DCC: variants seen among roughly 807,000 people sequenced by gnomAD.
The protein encoded by DCC is DCC netrin 1 receptor, also known as netrin receptor DCC.
Under a neutral mutation model 172.5 loss-of-function variants are expected in DCC, and 58 were observed. That is an observed-to-expected ratio of 0.34 (90% CI 0.27 to 0.42). The LOEUF is 0.42. Among genes scored for constraint, DCC ranks in the 10% least tolerant of loss-of-function variants. The pLI is 1.00. For missense variants in DCC, 1,740 were observed against 1,791.0 expected (o/e 0.97, Z 0.51); for synonymous variants, 709 against 644.5 (o/e 1.10, Z -1.52).
chr18:53,467,418 T>C (rs2045635203), intron 24 of DCC, among the ~76,000 whole-genome samples: 1 of 152,132 alleles, frequency 6.6e-6, no homozygotes, highest in Non-Finnish European at 1.5e-5. Context: ...GTTTATTTCT[T>C]GTGGGTTTTT....
intron 2 of DCC, among the ~76,000 whole-genome samples, chr18:52,831,648 G>A (rs757001937): frequency 3.3e-5 from 5 of 152,108 alleles, no homozygotes; most frequent in Non-Finnish European, 5.9e-5. Context: ...CTAGAGGGGT[G>A]GAATTGCTAT....
At chr18:53,082,215 A>G (rs992314921) in intron 7 of DCC, among the ~76,000 whole-genome samples, 1 of 152,128 alleles carries the variant, frequency 6.6e-6, no homozygotes, top group Non-Finnish European at 1.5e-5. Flanking sequence ...ACTTTAAAAG[A>G]GAAAACATTA....
chr18:53,398,140 G>A (rs908231576), intron 18 of DCC, among the ~76,000 whole-genome samples: 1 of 151,976 alleles, frequency 6.6e-6, no homozygotes, highest in African/African-American at 2.4e-5. Flanking sequence ...GGCTTAACAT[G>A]TTTTTTTGAT....
intron 8 of DCC, among the ~76,000 whole-genome samples, chr18:53,165,649 T>G (rs1447039890): frequency 6.6e-6 from 1 of 152,254 alleles, no homozygotes; most frequent in Non-Finnish European, 1.5e-5. Context: ...ATAATGATTT[T>G]ATTTCTCCAG....
chr18:52,572,838 A>G (rs2144761725), intron 1 of DCC, among the ~76,000 whole-genome samples: 1 of 152,328 alleles, frequency 6.6e-6, no homozygotes, highest in South Asian at 2.1e-4. Context: ...CTATTCCCTC[A>G]GGGTACATTT....
chr18:53,517,603 C>A (rs1381103164), intron 27 of DCC, among the ~76,000 whole-genome samples: 2 of 152,022 alleles, frequency 1.3e-5, no homozygotes, highest in Admixed American at 6.6e-5. Context: ...CCAATGAAAG[C>A]CACGTTACTT....
chr18:52,433,868 C>T (rs1387511383), intron 1 of DCC, among the ~76,000 whole-genome samples: 1 of 152,086 alleles, frequency 6.6e-6, no homozygotes, highest in East Asian at 1.9e-4. Context: ...TAATTACATG[C>T]AGAGACTCAA....
chr18:53,200,109 C>A (rs1198199781), intron 9 of DCC, among the ~76,000 whole-genome samples: 8 of 151,938 alleles, frequency 5.3e-5, no homozygotes, highest in African/African-American at 1.9e-4. Flanking sequence ...CAGTTGATGC[C>A]CAGGGTATTG....
chr18:53,009,037 T>G (rs2041688508), intron 5 of DCC, among the ~76,000 whole-genome samples: 1 of 151,966 alleles, frequency 6.6e-6, no homozygotes, highest in Admixed American at 6.6e-5. Flanking sequence ...TAGAATACTC[T>G]AATCATCATC....
chr18:53,469,011 C>T lies in DCC; in HGVS notation c.3736+1001C>T, dbSNP rs138581650. Among the ~76,000 whole-genome samples, 14 of 152,256 alleles carry T rather than the reference C, an allele frequency of 9.2e-5. 1 individual carries two copies. The South Asian group carries it at 1.2e-3, about 14-fold the overall frequency. On this transcript the variant is annotated intron_variant, in intron 25 of 28. Coordinates refer to ENST00000442544, the MANE Select transcript of DCC (RefSeq NM_005215.4). ...CATGTCACACCAAATCAAACCAGTACAAAATCTCAGTTCCTATTACCTTAT... is the reference window on the plus strand; with the variant it reads ...CATGTCACACCAAATCAAACCAGTATAAAATCTCAGTTCCTATTACCTTAT...
At chr18:52,980,038 TCA>T (rs1342522374) in intron 5 of DCC, among the ~76,000 whole-genome samples, 1 of 152,132 alleles carries the variant, frequency 6.6e-6, no homozygotes, top group Non-Finnish European at 1.5e-5. Context: ...TCGTGTTCAA[TCA>T]CTGTATTTAA....
chr18:52,930,398 TC>T (rs1391733458), intron 5 of DCC, among the ~76,000 whole-genome samples: 1 of 152,132 alleles, frequency 6.6e-6, no homozygotes, highest in African/African-American at 2.4e-5. Context: ...CTCTAGTCCA[TC>T]CTGGGGAACA....
chr18:52,753,013 A>C (rs1334486539), intron 2 of DCC, among the ~76,000 whole-genome samples: 4 of 152,058 alleles, frequency 2.6e-5, no homozygotes, highest in Non-Finnish European at 4.4e-5. Flanking sequence ...ATATATATAT[A>C]TCTCATATTT....
chr18:53,363,188 G>C (rs1504744), intron 15 of DCC, among the ~76,000 whole-genome samples: 1 of 151,980 alleles, frequency 6.6e-6, no homozygotes, highest in Non-Finnish European at 1.5e-5. Context: ...ATTAGGTGAC[G>C]TACCTTTCAC....
chr18:53,406,560 C>T (rs2145045750), intron 19 of DCC, among the ~76,000 whole-genome samples: 2 of 151,824 alleles, frequency 1.3e-5, no homozygotes, highest in South Asian at 4.2e-4. Flanking sequence ...AGAAATTAGC[C>T]AGACATGATA....
At chr18:52,610,170 AAAAAAAAAATATATATATATAT>A (rs1203491876) in intron 1 of DCC, among the ~76,000 whole-genome samples, 1,203 of 24,584 alleles carry the variant, frequency 0.049, 69 homozygotes, top group Non-Finnish European at 0.056. Context: ...AAAAAAAAAA[AAAAAAAAAATATATATATATAT>A]ATATATATAT....
rs77407603 is a variant in DCC at position 53,372,875 on chromosome 18, G to T, written c.2360-13168G>T. 7.9e-3 allele frequency among the ~76,000 whole-genome samples: 1,200 copies of T among 152,136 alleles called. 34 individuals are homozygous for T. Among genetic ancestry groups the T allele is most frequent in the Admixed American group, 0.057 (867 of 15,254 alleles). ...ACTCTGTAATACCCACTGAAAGTCA[G>T]AGACCATGTGATTTCATTAGAGTCA... On this transcript the variant is annotated intron_variant, in intron 15 of 28. Coordinates refer to ENST00000442544, the MANE Select transcript of DCC (RefSeq NM_005215.4).
intron 7 of DCC, among the ~76,000 whole-genome samples, chr18:53,110,250 T>C (rs1399537959): frequency 6.6e-6 from 1 of 151,704 alleles, no homozygotes; most frequent in East Asian, 1.9e-4. Context: ...CTTCATAAAT[T>C]GTGACATTAA....
Position 52,644,508 on chromosome 18 carries a change from G to GAA in DCC, c.92-107546_92-107545insAA, listed in dbSNP as rs555274952. On this transcript the variant is annotated intron_variant, in intron 1 of 28. Coordinates refer to ENST00000442544, the MANE Select transcript of DCC (RefSeq NM_005215.4). The stretch of plus-strand genomic sequence containing the variant: ...GCAGGAGAATGGCATGAACCTGGGA[G>GAA]GCGGAGCTTGCGGTGAACCGAGATT... Among the ~76,000 whole-genome samples the GAA allele has an allele frequency of 2.0e-5, 3 of 151,770 alleles. No homozygotes were observed. The East Asian group carries it at 5.8e-4, about 29-fold the overall frequency.
Sources: allele counts gnomAD v4.1 joint callset (sites outside exome capture counted in the v4.1 genomes callset), GRCh38; gene constraint gnomAD v4.1.1; transcripts MANE v1.5; gene names NCBI Gene and HGNC (gene_info 2026-07-23, HGNC 2026-07-21).